STK38: variants seen among roughly 807,000 people sequenced by gnomAD.
STK38 encodes serine/threonine kinase 38, also known as serine/threonine-protein kinase 38.
Under a neutral mutation model 59.0 loss-of-function variants are expected in STK38, and 26 were observed. The observed-to-expected ratio is 0.44, with a 90% confidence interval of 0.32 to 0.61. The LOEUF is 0.61. Among genes scored for constraint, STK38 ranks in the 20% least tolerant of loss-of-function variants. The pLI is 0.04. For synonymous variants in STK38, 175 were observed against 176.6 expected (o/e 0.99, Z 0.07); for missense variants, 433 against 566.0 (o/e 0.76, Z 2.38).
intron 10 of STK38, 52 bp from the exon 11 acceptor site, chr6:36,498,538 G>A: frequency 1.3e-6 from 2 of 1,567,404 alleles, no homozygotes; most frequent in South Asian, 1.2e-5. Flanking sequence ...CTTTGAATCT[G>A]ACCGAGATTA....
At chr6:36,541,831 C>CTTTTTT (rs58320889) in intron 1 of STK38, among the ~76,000 whole-genome samples, 6 of 135,936 alleles carry the variant, frequency 4.4e-5, no homozygotes, top group Non-Finnish European at 6.3e-5. Context: ...TTTTCTTTTT[C>CTTTTTT]TTTTTTTTTT....
intron 2 of STK38, among the ~76,000 whole-genome samples, chr6:36,534,748 T>C (rs1262032628): frequency 1.3e-5 from 2 of 152,050 alleles, no homozygotes; most frequent in Non-Finnish European, 2.9e-5. Context: ...GTGAGCACGT[T>C]TGCTCTTAAA....
In STK38 at chr6:36,540,077, T is replaced by A. The variant is rs750077787; in HGVS notation, c.126A>T (p.Glu42Asp). Reference sequence around the variant, plus strand: ...TTTCAAACAAAATTCTTTACCTCATTTCTCGTTCTTCATGTTGAGCGATAA... The same window carrying A: ...TTTCAAACAAAATTCTTTACCTCATATCTCGTTCTTCATGTTGAGCGATAA... ...SNLIAQHEER[E>D]MRQKKLEKVM... is the part of the protein sequence containing the mutation. Residue 42 changes from glutamate to aspartate, a missense_variant, in exon 2 of 14, where the codon GAA (glutamate) becomes GAT (aspartate). Glu to Asp is a conservative substitution (Grantham distance 45). This residue lies in a region of STK38 where 293 missense variants were observed against 388.2 expected (regional missense o/e 0.75). Transcript: ENST00000229812. 2.0e-4 allele frequency: 327 copies of A among 1,613,710 alleles called. 1 individual carries two copies. The highest frequency in any genetic ancestry group is 2.7e-4 in the Non-Finnish European group (320 of 1,179,856).
At chr6:36,502,475 G>T (rs182451213) in intron 9 of STK38, among the ~76,000 whole-genome samples, 1 of 152,112 alleles carries the variant, frequency 6.6e-6, no homozygotes, top group East Asian at 1.9e-4. Flanking sequence ...AATTCTTTAT[G>T]AATTCAGGAC....
At position 36,541,725 on chromosome 6, in the gene STK38, A is replaced by G. The variant is rs537610049; in HGVS notation, c.-5-1518T>C. On this transcript the variant is annotated intron_variant, in intron 1 of 13. Coordinates refer to ENST00000229812, the MANE Select transcript of STK38 (RefSeq NM_007271.4). The stretch of plus-strand genomic sequence containing the variant: ...CTTTATGTGTTTACTGTATATGCAC[A>G]TAATTATTAGAAACATATCATCAAA... Among the ~76,000 whole-genome samples the G allele has an allele frequency of 1.4e-4, 22 of 152,366 alleles. No individual in the cohort carries two copies. The East Asian group carries it at 3.7e-3, about 25-fold the overall frequency.
chr6:36,543,822 C>T (rs374577147), intron 1 of STK38, among the ~76,000 whole-genome samples: 33 of 152,194 alleles, frequency 2.2e-4, no homozygotes, highest in African/African-American at 7.0e-4. Context: ...TTAGTAGAGA[C>T]GGGGTTTCAC....
intron 5 of STK38, among the ~76,000 whole-genome samples, chr6:36,518,623 T>C (rs1777312434): frequency 6.6e-6 from 1 of 152,130 alleles, no homozygotes; most frequent in South Asian, 2.1e-4. Context: ...AGTGGCGTGA[T>C]CATAGCTCAC....
intron 2 of STK38, among the ~76,000 whole-genome samples, chr6:36,538,118 G>A (rs755792034): frequency 6.6e-6 from 1 of 151,688 alleles, no homozygotes; most frequent in Non-Finnish European, 1.5e-5. Context: ...GGCTAATACA[G>A]TGAAACCCCG....
Position 36,540,042 on chromosome 6 carries a change from G to T in STK38, c.131+30C>A. ...TACGAGAAAGGAATGCCACAACCAT[G>T]ACACAATTTTTTCAAACAAAATTCT... On this transcript the variant is annotated intron_variant, in intron 2 of 13. Transcript: ENST00000229812. The T allele has an allele frequency of 1.9e-6, 3 of 1,611,922 alleles. No individual in the cohort carries two copies. The South Asian group carries it at 3.3e-5, about 18-fold the overall frequency.
At chr6:36,536,394 G>A (rs2127489192) in intron 2 of STK38, among the ~76,000 whole-genome samples, 1 of 152,202 alleles carries the variant, frequency 6.6e-6, no homozygotes, top group South Asian at 2.1e-4. Context: ...TTTCTGGCCA[G>A]GCACCGTAGC....
intron 9 of STK38, among the ~76,000 whole-genome samples, chr6:36,502,759 C>T (rs1231353407): frequency 6.6e-6 from 1 of 152,170 alleles, no homozygotes; most frequent in African/African-American, 2.4e-5. Flanking sequence ...AACCACTATG[C>T]TGAATTTCGT....
rs76447310 is a variant in STK38, at chr6:36,501,504, C to A, written c.835-1514G>T. On this transcript the variant is annotated intron_variant, in intron 9 of 13. Coordinates refer to ENST00000229812, the MANE Select transcript of STK38 (RefSeq NM_007271.4). ...AGACAATACAATACAGACCCATTAC[C>A]CACATTAAAAAGATTAATAATTTGC... 2.0e-3 allele frequency among the ~76,000 whole-genome samples: 308 copies of A among 151,292 alleles called. 2 individuals are homozygous for A. Among genetic ancestry groups the A allele is most frequent in the African/African-American group, 2.7e-3 (110 of 41,270 alleles).
chr6:36,517,315 C>A (rs776825737), intron 6 of STK38, among the ~76,000 whole-genome samples: 4 of 151,986 alleles, frequency 2.6e-5, no homozygotes, highest in Admixed American at 1.3e-4. Context: ...AAAATTCACT[C>A]CTTATTAATA....
rs1776653829 is a variant in STK38, at chr6:36,494,565, A to G, written c.*1219T>C. On this transcript the variant is annotated 3_prime_UTR_variant, in exon 14 of 14. Transcript: ENST00000229812. Reference sequence around the variant, plus strand: ...AGGGTCTCTCAAGAGAGAACGCCACAGCAGAGAGACCCAATCCGCCTAAGT... The same window carrying G: ...AGGGTCTCTCAAGAGAGAACGCCACGGCAGAGAGACCCAATCCGCCTAAGT... The G allele has an allele frequency of 6.5e-6, 1 of 152,700 alleles. No homozygotes were observed. The highest frequency in any genetic ancestry group is 1.5e-5 in the Non-Finnish European group (1 of 68,044). The allele number at this position is 152,700 out of a possible 1,614,324, so 9.5% of individuals were successfully genotyped here.
intron 2 of STK38, among the ~76,000 whole-genome samples, chr6:36,531,397 G>A (rs79725040): frequency 0.013 from 1,973 of 152,264 alleles, 22 homozygotes; most frequent in Non-Finnish European, 0.019. Flanking sequence ...AAAATGTTTT[G>A]TAAAAAGAAA....
At chr6:36,497,126 C>T (rs1776723915) in intron 12 of STK38, among the ~76,000 whole-genome samples, 3 of 152,248 alleles carry the variant, frequency 2.0e-5, no homozygotes, top group Admixed American at 6.5e-5. Flanking sequence ...CTCTAAATGT[C>T]CCCTTGTGTA....
chr6:36,546,422 TG>T (rs1425611006), intron 1 of STK38, among the ~76,000 whole-genome samples: 3 of 152,148 alleles, frequency 2.0e-5, no homozygotes, highest in Non-Finnish European at 4.4e-5. Context: ...CCAAATATAT[TG>T]CCTGGCTAAT....
At chr6:36,534,636 G>A (rs991041134) in intron 2 of STK38, among the ~76,000 whole-genome samples, 3 of 151,976 alleles carry the variant, frequency 2.0e-5, no homozygotes, top group African/African-American at 7.3e-5. Context: ...CTGGGTTAAA[G>A]CAAGACCCTG....
At chr6:36,499,317 G>A (rs1043179518) in intron 10 of STK38, among the ~76,000 whole-genome samples, 3 of 152,018 alleles carry the variant, frequency 2.0e-5, no homozygotes, top group African/African-American at 4.8e-5. Context: ...GACGGTGTAC[G>A]CCCACCTCCA....
Sources: gnomAD v4.1 joint callset for allele counts (sites outside exome capture counted in the v4.1 genomes callset) on GRCh38, gnomAD v4.1.1 for gene constraint, gnomAD v4.1.1 regional missense constraint, MANE v1.5 for transcripts, NCBI Gene and HGNC (gene_info 2026-07-23, HGNC 2026-07-21) for gene names.